NF2: variants seen among roughly 807,000 people sequenced by gnomAD.
NF2 encodes merlin.
In NF2, 8 loss-of-function variants were observed where a neutral mutation model predicts 83.7. That is an observed-to-expected ratio of 0.10 (90% CI 0.06 to 0.17). NF2 has a LOEUF of 0.17. Among genes scored for constraint, NF2 ranks in the 10% least tolerant of loss-of-function variants. NF2 has a pLI of 1.00. For synonymous variants in NF2, 266 were observed against 269.6 expected (o/e 0.99, Z 0.13); for missense variants, 533 against 744.4 (o/e 0.72, Z 3.31).
chr22:29,608,377 C>T lies in NF2; in HGVS notation c.114+4265C>T, dbSNP rs577859556. ...CACTGCAACCTCTGCCTCCCTGGTTCAAGCGATTCTCCTGCCTCAGCCACC... is the reference window on the plus strand; with the variant it reads ...CACTGCAACCTCTGCCTCCCTGGTTTAAGCGATTCTCCTGCCTCAGCCACC... On this transcript the variant is annotated intron_variant, in intron 1 of 15. Transcript: ENST00000338641. Among the ~76,000 whole-genome samples, 7 of 149,844 alleles carry T rather than the reference C, an allele frequency of 4.7e-5. No individual in the cohort carries two copies. In the East Asian group the frequency reaches 1.0e-3, roughly 22 times the overall value.
chr22:29,642,410 A>G, intron 4 of NF2, 125 bp downstream of exon 4: 1 of 781,388 alleles, frequency 1.3e-6, no homozygotes, highest in Non-Finnish European at 2.2e-6. Flanking sequence ...GTGAGATGTT[A>G]TGGGACTTGT....
intron 10 of NF2, among the ~76,000 whole-genome samples, chr22:29,668,874 C>T (rs897622140): frequency 1.1e-4 from 16 of 152,232 alleles, no homozygotes; most frequent in Non-Finnish European, 1.9e-4. Context: ...GCTAATTTGA[C>T]TCTGGCTGCA....
intron 15 of NF2, among the ~76,000 whole-genome samples, chr22:29,688,331 C>A (rs1254694203): frequency 6.6e-6 from 1 of 152,208 alleles, no homozygotes; most frequent in Non-Finnish European, 1.5e-5. Flanking sequence ...TGCAGCTCTC[C>A]TCGGCACCGG....
intron 1 of NF2, among the ~76,000 whole-genome samples, chr22:29,624,801 CTT>C (rs948334643): frequency 0.021 from 220 of 10,602 alleles, 2 homozygotes; most frequent in African/African-American, 0.055. Flanking sequence ...GAAGGGTCCT[CTT>C]TCTTTCTTTC....
Position 29,694,738 on chromosome 22 carries a change from C to A in NF2, c.1738-14C>A, listed in dbSNP as rs746861983. The A allele has an allele frequency of 6.2e-7, 1 of 1,613,632 alleles. No individual in the cohort carries two copies. The highest frequency in any genetic ancestry group is 8.5e-7 in the Non-Finnish European group (1 of 1,179,794). ...GTCTTGTGCCCTCTCAGCTTCTTCT[C>A]TGCTTTCTTACAGCTCACCTTGCAG... On this transcript the variant is annotated splice_polypyrimidine_tract_variant and intron_variant, in intron 15 of 15. Transcript: ENST00000338641. This position sits in a 1 kb window ranked among gnomAD's most constrained non-coding sequence, Gnocchi z 4.1.
chr22:29,678,454 C>A, intron 14 of NF2, 131 bp downstream of exon 14: 1 of 1,012,474 alleles, frequency 9.9e-7, no homozygotes, highest in Non-Finnish European at 1.5e-6. Context: ...GTTTGCTCTG[C>A]TCTTACACCC....
rs562162114 is a variant in NF2, at chr22:29,621,559, C to T, written c.115-15192C>T. On this transcript the variant is annotated intron_variant, in intron 1 of 15. Coordinates refer to ENST00000338641, the MANE Select transcript of NF2 (RefSeq NM_000268.4). ...GTGTGCACCTGTGGTCCTAGCATCT[C>T]GGGAGGCTGAGGTGGGAGGATCACA... Among the ~76,000 whole-genome samples, 241 of 151,952 alleles carry T rather than the reference C, an allele frequency of 1.6e-3. 1 individual carries two copies. The highest frequency in any genetic ancestry group is 3.1e-3 in the Non-Finnish European group (214 of 67,976).
At chr22:29,620,237 C>T (rs1044208816) in intron 1 of NF2, among the ~76,000 whole-genome samples, 7 of 150,434 alleles carry the variant, frequency 4.7e-5, no homozygotes, top group South Asian at 4.2e-4. Flanking sequence ...CCAGCCTGGG[C>T]GACAAGAGCG....
intron 15 of NF2, among the ~76,000 whole-genome samples, chr22:29,691,051 G>C (rs1371642466): frequency 6.6e-6 from 1 of 152,210 alleles, no homozygotes; most frequent in Non-Finnish European, 1.5e-5. Context: ...TCCCAGACTG[G>C]TGCAGCCACT....
At chr22:29,639,998 C>T (rs1292194042) in intron 3 of NF2, among the ~76,000 whole-genome samples, 3 of 150,558 alleles carry the variant, frequency 2.0e-5, no homozygotes, top group Non-Finnish European at 4.4e-5. Flanking sequence ...AGTTCAAGAC[C>T]AGCCTGACCA....
intron 1 of NF2, among the ~76,000 whole-genome samples, chr22:29,634,654 A>G (rs2065601578): frequency 6.6e-6 from 1 of 152,198 alleles, no homozygotes; most frequent in African/African-American, 2.4e-5. Flanking sequence ...CTGTTCTTTA[A>G]TGTTACATTA....
chr22:29,647,973 A>G (rs1036403985), intron 4 of NF2, among the ~76,000 whole-genome samples: 1 of 152,016 alleles, frequency 6.6e-6, no homozygotes, highest in South Asian at 2.1e-4. Flanking sequence ...AAATACATAC[A>G]TACAAAAAAT....
chr22:29,616,491 T>C (rs1458877914), intron 1 of NF2, among the ~76,000 whole-genome samples: 1 of 152,228 alleles, frequency 6.6e-6, no homozygotes, highest in Non-Finnish European at 1.5e-5. Context: ...ACGCATGTAA[T>C]CCCAGCACTT....
At chr22:29,679,636 G>A (rs186951629) in intron 14 of NF2, among the ~76,000 whole-genome samples, 1 of 152,128 alleles carries the variant, frequency 6.6e-6, no homozygotes, top group Non-Finnish European at 1.5e-5. Flanking sequence ...GGAGTCCAAG[G>A]GGGGCAGATC....
intron 15 of NF2, among the ~76,000 whole-genome samples, chr22:29,687,118 C>T (rs1376453637): frequency 4.6e-5 from 7 of 152,312 alleles, no homozygotes; most frequent in East Asian, 1.9e-4. Context: ...TTCAGTCTCC[C>T]GATCCTGAGC....
At position 29,609,071 on chromosome 22, in the gene NF2, A is replaced by G. The variant is rs888027406; in HGVS notation, c.114+4959A>G. ...AGAACAGTGGGTAAAGCCAATGGCT[A>G]TAAGAGGAGCCAATCAGTACATCTT... On this transcript the variant is annotated intron_variant, in intron 1 of 15. Transcript: ENST00000338641. The G allele has an allele frequency of 1.3e-4, 99 of 738,964 alleles. No homozygotes were observed. In the African/African-American group the frequency reaches 1.5e-3, roughly 11 times the overall value. The allele number at this position is 738,964 out of a possible 1,614,324, so 45.8% of individuals were successfully genotyped here.
intron 1 of NF2, among the ~76,000 whole-genome samples, chr22:29,607,508 C>T (rs1019592174): frequency 7.2e-5 from 11 of 152,148 alleles, no homozygotes; most frequent in Non-Finnish European, 1.3e-4. Flanking sequence ...TCCAGCCAGT[C>T]GCTAAACAAA....
At chr22:29,692,506 G>C (rs1409385777) in intron 15 of NF2, among the ~76,000 whole-genome samples, 1 of 152,226 alleles carries the variant, frequency 6.6e-6, no homozygotes, top group Non-Finnish European at 1.5e-5. Flanking sequence ...GGGACAGCCA[G>C]CATGCTCCTC....
intron 1 of NF2, among the ~76,000 whole-genome samples, chr22:29,616,227 ATACTC>A (rs1466421524): frequency 6.6e-6 from 1 of 152,182 alleles, no homozygotes; most frequent in Non-Finnish European, 1.5e-5. Flanking sequence ...AGTGATGAAA[ATACTC>A]TAAAACTGAC....
Sources: allele counts gnomAD v4.1 joint callset (sites outside exome capture counted in the v4.1 genomes callset), GRCh38; gene constraint gnomAD v4.1.1; non-coding constraint Gnocchi (gnomAD v3.1); transcripts MANE v1.5; gene names NCBI Gene and HGNC (gene_info 2026-07-23, HGNC 2026-07-21).